The following ZNF276 variants were observed in gnomAD, a reference collection of about 807,000 sequenced individuals.
The protein encoded by ZNF276 is zinc finger protein 276.
ZNF276 carries 59 observed loss-of-function variants against 63.9 expected under a neutral mutation model. That is an observed-to-expected ratio of 0.92 (90% CI 0.75 to 1.15). ZNF276 has a LOEUF of 1.15. ZNF276 is among the 50% of genes most tolerant of loss of function. ZNF276 has a pLI of 0.00. For synonymous variants in ZNF276, 496 were observed against 348.4 expected (o/e 1.42, Z -4.72); for missense variants, 1,084 against 843.8 (o/e 1.28, Z -3.53).
Position 89,723,619 on chromosome 16 carries a change from G to T in ZNF276, c.916G>T (p.Asp306Tyr). 1.2e-6 allele frequency: 2 copies of T among 1,612,778 alleles called. No homozygotes were observed. Among genetic ancestry groups the T allele is most frequent in the African/African-American group, 2.7e-5 (2 of 75,078 alleles). ...GAETKTLPSTDVAQPPSDSDA... is the reference protein window; with the variant it reads ...GAETKTLPSTYVAQPPSDSDA... The stretch of plus-strand genomic sequence containing the variant: ...TGAGACCAAGACCCTGCCCAGCACG[G>T]ATGTGGCCCAGCCTCCTTCGGACAG... Residue 306 changes from aspartate (D) to tyrosine (Y), a missense_variant, in exon 4 of 11, where the codon GAT becomes TAT. Transcript: ENST00000443381.
chr16:89,723,607 C>T lies in ZNF276; in HGVS notation c.904C>T (p.Leu302=). The T allele has an allele frequency of 6.2e-7, 1 of 1,612,784 alleles. No individual in the cohort carries two copies. Among genetic ancestry groups the T allele is most frequent in the Non-Finnish European group, 8.5e-7 (1 of 1,180,018 alleles). ...CCCAGTTGGGGCTGAGACCAAGACC[C>T]TGCCCAGCACGGATGTGGCCCAGCC... The part of the protein sequence containing the change: ...GTPVGAETKT[L]PSTDVAQPPS... The change falls in exon 4 of 11, where the codon CTG becomes TTG. Residue 302 remains leucine (L), a synonymous_variant. Transcript: ENST00000443381.
At chr16:89,729,944 A>G (rs1245190617) in intron 6 of ZNF276, among the ~76,000 whole-genome samples, 1 of 152,186 alleles carries the variant, frequency 6.6e-6, no homozygotes, top group African/African-American at 2.4e-5. Context: ...TATACCCAGC[A>G]GTACCCAGAA....
chr16:89,733,402 C>T lies in ZNF276; in HGVS notation c.1270C>T (p.Arg424Cys), dbSNP rs370277447. The change falls in exon 7 of 11, where the codon CGT becomes TGT. Residue 424 changes from arginine (R) to cysteine (C), a missense_variant. Coordinates refer to ENST00000443381, the MANE Select transcript of ZNF276 (RefSeq NM_001113525.2). ...CAAGCCCGGATGGAAGAAGAAGCTT[C>T]GTTGTGAGAGGTGATGCCTGCAACG... ...GPKPGWKKKL[R>C]CEREELPTIY... 413 of 1,614,024 alleles carry T rather than the reference C, an allele frequency of 2.6e-4. No homozygotes were observed. Among genetic ancestry groups the T allele is most frequent in the Non-Finnish European group, 3.3e-4 (384 of 1,180,046 alleles).
At chr16:89,722,022 C>A (rs2061302385) in intron 1 of ZNF276, among the ~76,000 whole-genome samples, 177 bp downstream of exon 1, 2 of 152,226 alleles carry the variant, frequency 1.3e-5, no homozygotes, top group South Asian at 4.1e-4. Context: ...CCTCGCGCTC[C>A]GTGACGCCGG....
chr16:89,724,579 G>A (rs571710226), intron 4 of ZNF276, among the ~76,000 whole-genome samples: 23 of 152,294 alleles, frequency 1.5e-4, no homozygotes, highest in African/African-American at 5.5e-4. Context: ...CCTGGGAGGC[G>A]GAAGTTGCAG....
In ZNF276 at chr16:89,740,731, G is replaced by C. The variant is rs779271674; in HGVS notation, c.*2485G>C. 42 of 1,326,706 alleles carry C rather than the reference G, an allele frequency of 3.2e-5. No individual in the cohort carries two copies. The highest frequency in any genetic ancestry group is 4.2e-5 in the Non-Finnish European group (39 of 927,710). 82.2% of individuals were successfully genotyped at this position (1,326,706 alleles called of 1,614,324 possible). ...GAGCTAGTCTGGAAACCCTGACTTG[G>C]AAGCTGGCTGCCTGGTGCCCCTGCC... On this transcript the variant is annotated 3_prime_UTR_variant, in exon 11 of 11. Coordinates refer to ENST00000443381, the MANE Select transcript of ZNF276 (RefSeq NM_001113525.2).
intron 4 of ZNF276, among the ~76,000 whole-genome samples, chr16:89,723,989 C>T (rs1199142697): frequency 6.6e-6 from 1 of 152,256 alleles, no homozygotes; most frequent in African/African-American, 2.4e-5. Flanking sequence ...TTTTCTAAGC[C>T]TGTGCTTGGG....
chr16:89,729,654 C>T (rs1339946694), intron 6 of ZNF276, among the ~76,000 whole-genome samples: 2 of 152,130 alleles, frequency 1.3e-5, no homozygotes, highest in African/African-American at 4.8e-5. Flanking sequence ...GCCGGTCCTG[C>T]CCTGGGTTCA....
chr16:89,733,248 C>A, intron 6 of ZNF276, 54 bp from the exon 7 acceptor site: 1 of 1,527,960 alleles, frequency 6.5e-7, no homozygotes, highest in South Asian at 1.1e-5. Context: ...AGACAAAAAA[C>A]ATTTTGCAAA....
chr16:89,733,657 G>A lies in ZNF276; in HGVS notation c.1356+100G>A. The A allele has an allele frequency of 2.1e-6, 3 of 1,399,520 alleles. 1 individual carries two copies. Among genetic ancestry groups the A allele is most frequent in the Non-Finnish European group, 3.0e-6 (3 of 996,454 alleles). 86.7% of individuals were successfully genotyped at this position (1,399,520 alleles called of 1,614,324 possible). A position where few individuals can be genotyped will look rare whatever the true frequency, so the allele number is the denominator to read the frequency against. ...CAGCCTAACTCAGACTTGCGCCCAA[G>A]GACACTTTGACCTAGGTTAACCGAG... On this transcript the variant is annotated intron_variant, in intron 8 of 10. Coordinates refer to ENST00000443381, the MANE Select transcript of ZNF276 (RefSeq NM_001113525.2).
chr16:89,737,637 T>A, intron 9 of ZNF276, 169 bp from the exon 10 acceptor site: 1 of 1,347,720 alleles, frequency 7.4e-7, no homozygotes, highest in South Asian at 1.5e-5. Flanking sequence ...TAAAGCAGTT[T>A]AAAGATCTTA....
chr16:89,726,229 CT>C (rs1228308513), intron 4 of ZNF276, among the ~76,000 whole-genome samples: 1 of 151,844 alleles, frequency 6.6e-6, no homozygotes, highest in Admixed American at 6.6e-5. Context: ...GAGTTTCACT[CT>C]TTGTTACCCA....
rs761686637 is a variant in ZNF276, at chr16:89,737,925, C to G, written c.1574+20C>G. 4 of 1,571,236 alleles carry G rather than the reference C, an allele frequency of 2.5e-6. No homozygotes were observed. In the South Asian group the frequency reaches 4.5e-5, roughly 18 times the overall value. On this transcript the variant is annotated intron_variant, in intron 10 of 10. Coordinates refer to ENST00000443381, the MANE Select transcript of ZNF276 (RefSeq NM_001113525.2). ...TTTGCAGTAAGTGTGAGTCAGGACC[C>G]CCTCCCAGGGCTGTGGCCCTCGCAC...
intron 2 of ZNF276, 117 bp downstream of exon 2, chr16:89,722,951 G>T: frequency 6.4e-7 from 1 of 1,556,474 alleles, no homozygotes; most frequent in Non-Finnish European, 8.7e-7. Flanking sequence ...AATGGGCCAT[G>T]CCCGGGTTCA....
intron 9 of ZNF276, among the ~76,000 whole-genome samples, chr16:89,735,175 T>A (rs556523485): frequency 7.2e-5 from 11 of 152,060 alleles, no homozygotes; most frequent in African/African-American, 2.7e-4. Context: ...ATATCCATGG[T>A]CAGGGACTCG....
At chr16:89,731,915 CTTTGT>C (rs1480067819) in intron 6 of ZNF276, 4 of 152,140 alleles carry the variant, frequency 2.6e-5, no homozygotes, top group African/African-American at 7.2e-5. Context: ...GAGAATTTGT[CTTTGT>C]TTTCTTTTTC....
Position 89,724,890 on chromosome 16 carries a change from A to G in ZNF276, c.1006+1181A>G, listed in dbSNP as rs551329679. The stretch of plus-strand genomic sequence containing the variant: ...TATCTACCTACCTATCTGTATATCT[A>G]TGTATCTACTTATCTACCTATTTAT... On this transcript the variant is annotated intron_variant, in intron 4 of 10. Transcript: ENST00000443381. Among the ~76,000 whole-genome samples the G allele has an allele frequency of 1.1e-3, 166 of 152,286 alleles. 1 individual carries two copies. Among genetic ancestry groups the G allele is most frequent in the African/African-American group, 3.8e-3 (160 of 41,572 alleles).
chr16:89,737,824 G>T lies in ZNF276; in HGVS notation c.1493G>T (p.Cys498Phe). Residue 498 changes from cysteine (C) to phenylalanine (F), a missense_variant, in exon 10 of 11, where the codon TGT (cysteine) becomes TTT (phenylalanine). Transcript: ENST00000443381. ...CTCTCAGAGGTGCGGAACTATATCTGTGACGAATGTGGACAAACCTTCAAG... is the reference window on the plus strand; with the variant it reads ...CTCTCAGAGGTGCGGAACTATATCTTTGACGAATGTGGACAAACCTTCAAG... ...LIHTEVRNYI[C>F]DECGQTFKQR... 1 of 1,614,186 alleles carries T rather than the reference G, an allele frequency of 6.2e-7. No individual in the cohort carries two copies. Among genetic ancestry groups the T allele is most frequent in the Non-Finnish European group, 8.5e-7 (1 of 1,180,034 alleles).
rs749764919 is a variant in ZNF276, at chr16:89,722,499, C to T, written c.206-32C>T. On this transcript the variant is annotated intron_variant, in intron 1 of 10. Coordinates refer to ENST00000443381, the MANE Select transcript of ZNF276 (RefSeq NM_001113525.2). Reference sequence around the variant, plus strand: ...CCCTGTGCTCAGGAGCCTCCTTTGCCAGCTGCTAACACTTCCTGCCGCTCT... The same window carrying T: ...CCCTGTGCTCAGGAGCCTCCTTTGCTAGCTGCTAACACTTCCTGCCGCTCT... 4.4e-6 allele frequency: 7 copies of T among 1,579,290 alleles called. No homozygotes were observed. The East Asian group carries it at 6.7e-5, about 15-fold the overall frequency.
Sources: allele counts gnomAD v4.1 joint callset (sites outside exome capture counted in the v4.1 genomes callset), GRCh38; gene constraint gnomAD v4.1.1; transcripts MANE v1.5; gene names NCBI Gene and HGNC (gene_info 2026-07-23, HGNC 2026-07-21).